CAST: variants seen among roughly 807,000 people sequenced by gnomAD.
The protein encoded by CAST is MIR583 host.
A neutral mutation model predicts 119.6 loss-of-function variants in CAST; 76 were observed. The observed-to-expected ratio is 0.64, with a 90% confidence interval of 0.53 to 0.77. CAST has a LOEUF of 0.77. CAST is among the 30% of genes least tolerant of loss of function. CAST has a pLI of 0.00. For missense variants in CAST, 953 were observed against 946.5 expected, an observed-to-expected ratio of 1.01 and a Z score of -0.09; for synonymous variants, 319 against 331.6, an observed-to-expected ratio of 0.96 and a Z score of 0.41.
chr5:96,240,430 C>T, the CAST span, among the ~76,000 whole-genome samples: 1 of 152,260 alleles, frequency 6.6e-6, no homozygotes, highest in African/African-American at 2.4e-5. Context: ...ACCTTCTTTA[C>T]TGTCTACTCT....
chr5:96,621,807 C>G (rs1287477488), intron 1 of CAST, among the ~76,000 whole-genome samples: 1 of 152,108 alleles, frequency 6.6e-6, no homozygotes, highest in Non-Finnish European at 1.5e-5. Flanking sequence ...TTCTATCTTA[C>G]TGTTGACATC....
At chr5:96,682,972 A>G (rs1045767190) in intron 2 of CAST, among the ~76,000 whole-genome samples, 1 of 151,718 alleles carries the variant, frequency 6.6e-6, no homozygotes, top group African/African-American at 2.4e-5. Flanking sequence ...CGCACAACCC[A>G]TCCTCCCACA....
the CAST span, among the ~76,000 whole-genome samples, chr5:96,153,787 G>T: frequency 1.3e-5 from 2 of 152,062 alleles, no homozygotes; most frequent in South Asian, 2.1e-4. Context: ...TATATTACTA[G>T]CACTAATAGT....
intron 16 of CAST, among the ~76,000 whole-genome samples, 160 bp downstream of exon 16, chr5:96,742,916 G>C (rs1240094744): frequency 6.6e-6 from 1 of 152,200 alleles, no homozygotes; most frequent in Admixed American, 6.5e-5. Flanking sequence ...GCAACTAAGG[G>C]GGATAGTTAC....
intron 27 of CAST, among the ~76,000 whole-genome samples, chr5:96,766,535 T>A (rs1162195919): frequency 6.6e-6 from 1 of 152,162 alleles, no homozygotes; most frequent in African/African-American, 2.4e-5. Flanking sequence ...TAGGGAAAAT[T>A]AATAAGGCAG....
At position 96,680,209 on chromosome 5, in the gene CAST, CGTGGTCGTGGGT is replaced by C. The variant is rs535183641; in HGVS notation, c.138+4613_138+4624del. Among the ~76,000 whole-genome samples, 165 of 151,250 alleles carry C rather than the reference CGTGGTCGTGGGT, an allele frequency of 1.1e-3. 2 individuals carry two copies. In the South Asian group the frequency reaches 0.033, roughly 30 times the overall value. On this transcript the variant is annotated intron_variant, in intron 2 of 31. Transcript: ENST00000675179. ...ACTAAAAATACAAAAATTGGCCAGG[CGTGGTCGTGGGT>C]GTGGGCGCCTATAGTCCCAGCTATT...
At chr5:96,618,541 G>T (rs185367024) in intron 1 of CAST, among the ~76,000 whole-genome samples, 2 of 152,238 alleles carry the variant, frequency 1.3e-5, no homozygotes, top group Non-Finnish European at 2.9e-5. Flanking sequence ...CCGGGGCTGC[G>T]CATGGCGCTC....
At chr5:96,401,086 C>CAAAAAAAA in the CAST span, among the ~76,000 whole-genome samples, 4 of 70,574 alleles carry the variant, frequency 5.7e-5, no homozygotes, top group Non-Finnish European at 7.3e-5. Context: ...GACTCCGTCT[C>CAAAAAAAA]AAAAAAAAAA....
intron 1 of CAST, among the ~76,000 whole-genome samples, chr5:96,602,356 G>C: frequency 6.6e-6 from 1 of 152,170 alleles, no homozygotes; most frequent in East Asian, 1.9e-4. Context: ...ATGAAGCAGC[G>C]TCAGATAAGA....
At chr5:96,128,289 G>A in the CAST span, among the ~76,000 whole-genome samples, 1 of 152,060 alleles carries the variant, frequency 6.6e-6, no homozygotes, top group Non-Finnish European at 1.5e-5. Flanking sequence ...TTTCTGGTCT[G>A]TCTCTTTTTG....
chr5:96,663,011 G>T (rs1322065470), intron 1 of CAST: 5 of 680,196 alleles, frequency 7.4e-6, no homozygotes, highest in Non-Finnish European at 1.3e-5. Flanking sequence ...GCCGCCTTGG[G>T]ATGTGCGGAG....
chr5:96,619,449 G>C (rs1228840296), intron 1 of CAST, among the ~76,000 whole-genome samples: 1 of 152,236 alleles, frequency 6.6e-6, no homozygotes, highest in Non-Finnish European at 1.5e-5. Context: ...GGACCAATCA[G>C]CAGGATGTGG....
At chr5:96,382,153 C>G in the CAST span, among the ~76,000 whole-genome samples, 1 of 152,156 alleles carries the variant, frequency 6.6e-6, no homozygotes, top group East Asian at 1.9e-4. Context: ...TTTTTCTAAG[C>G]TTTGGATTTC....
At chr5:96,282,987 G>A in the CAST span, among the ~76,000 whole-genome samples, 8 of 150,926 alleles carry the variant, frequency 5.3e-5, no homozygotes, top group South Asian at 1.3e-3. Context: ...AAAATTAGCC[G>A]GGCGTGATGG....
At chr5:96,641,573 A>G (rs1449711783) in intron 1 of CAST, among the ~76,000 whole-genome samples, 5 of 152,206 alleles carry the variant, frequency 3.3e-5, no homozygotes, top group Admixed American at 2.6e-4. Context: ...GATGGAGTTT[A>G]GACCCTTACG....
chr5:96,557,336 C>A (rs751982974), intron 1 of CAST, among the ~76,000 whole-genome samples: 3 of 152,044 alleles, frequency 2.0e-5, no homozygotes, highest in Non-Finnish European at 4.4e-5. Flanking sequence ...ATCATAATGA[C>A]AGGACCAAAT....
chr5:96,343,832 C>T, the CAST span, among the ~76,000 whole-genome samples: 1 of 152,170 alleles, frequency 6.6e-6, no homozygotes, highest in African/African-American at 2.4e-5. Context: ...TATACCTCTT[C>T]CTGCTGATCT....
the CAST span, among the ~76,000 whole-genome samples, chr5:96,049,431 G>T: frequency 6.6e-6 from 1 of 152,258 alleles, no homozygotes; most frequent in Non-Finnish European, 1.5e-5. Flanking sequence ...AATGATGAAA[G>T]GAGTCTGAAT....
the CAST span, among the ~76,000 whole-genome samples, chr5:96,240,158 G>T: frequency 6.6e-6 from 1 of 151,720 alleles, no homozygotes; most frequent in East Asian, 1.9e-4. Context: ...CAATATTTTT[G>T]TCTTGCTGCT....
Sources: allele counts gnomAD v4.1 joint callset (sites outside exome capture counted in the v4.1 genomes callset), GRCh38; gene constraint gnomAD v4.1.1; transcripts MANE v1.5; gene names NCBI Gene and HGNC (gene_info 2026-07-23, HGNC 2026-07-21).